Variants in SBF2 observed in about 807,000 individuals in gnomAD.
The protein encoded by SBF2 is SET binding factor 2, also known as myotubularin-related protein 13.
SBF2 carries 112 observed loss-of-function variants against 225.2 expected under a neutral mutation model. The observed-to-expected ratio is 0.50, with a 90% CI of 0.43 to 0.58. The LOEUF (loss-of-function observed/expected upper bound fraction) is 0.58, where lower values mean the gene tolerates loss of function less well. SBF2 is among the 20% of genes least tolerant of loss of function. The pLI is 0.00. For missense variants in SBF2, 1,996 were observed against 2,206.2 expected (o/e 0.90, Z 1.91); for synonymous variants, 763 against 773.3 (o/e 0.99, Z 0.22).
chr11:9,846,897 A>G, intron 23 of SBF2, 59 bp downstream of exon 23: 2 of 1,594,690 alleles, frequency 1.3e-6, no homozygotes, highest in South Asian at 1.1e-5. Context: ...AATGGCCATA[A>G]TATCATTTGA....
chr11:10,018,568 T>C (rs1046999641), intron 6 of SBF2, among the ~76,000 whole-genome samples: 1 of 152,164 alleles, frequency 6.6e-6, no homozygotes, highest in Non-Finnish European at 1.5e-5. Flanking sequence ...TCTTTATAGA[T>C]AATTCAATGC....
intron 6 of SBF2, among the ~76,000 whole-genome samples, chr11:10,013,078 A>T (rs1177749096): frequency 4.6e-5 from 7 of 152,190 alleles, no homozygotes; most frequent in Non-Finnish European, 1.0e-4. Flanking sequence ...AGACATGTGC[A>T]TAGTTTCCCA....
At chr11:9,866,956 G>A (rs1158651527) in intron 17 of SBF2, among the ~76,000 whole-genome samples, 1 of 152,002 alleles carries the variant, frequency 6.6e-6, no homozygotes, top group African/African-American at 2.4e-5. Context: ...AAAAATGGTC[G>A]ACAGGCATAT....
At chr11:9,967,715 A>C (rs916070410) in intron 14 of SBF2, among the ~76,000 whole-genome samples, 2 of 152,162 alleles carry the variant, frequency 1.3e-5, no homozygotes, top group Admixed American at 6.5e-5. Flanking sequence ...CGGGAGTTCG[A>C]GACCAGCCTG....
intron 1 of SBF2, among the ~76,000 whole-genome samples, chr11:10,273,581 G>A (rs1026213747): frequency 1.3e-5 from 2 of 152,178 alleles, no homozygotes; most frequent in Admixed American, 1.3e-4. Context: ...TCAAAGTTTT[G>A]TCAATGCTAG....
At chr11:9,896,358 G>A (rs1861254942) in intron 16 of SBF2, among the ~76,000 whole-genome samples, 1 of 151,946 alleles carries the variant, frequency 6.6e-6, no homozygotes, top group Non-Finnish European at 1.5e-5. Flanking sequence ...TTTTTTTTTG[G>A]AGGAAGTTTT....
chr11:9,876,107 C>T (rs191141517), intron 17 of SBF2, among the ~76,000 whole-genome samples: 1 of 152,292 alleles, frequency 6.6e-6, no homozygotes, highest in East Asian at 1.9e-4. Flanking sequence ...TCCTCCCTTT[C>T]TCAACTTCCT....
chr11:10,288,095 AAAG>A (rs1963918681), intron 1 of SBF2, among the ~76,000 whole-genome samples: 1 of 152,188 alleles, frequency 6.6e-6, no homozygotes, highest in African/African-American at 2.4e-5. Context: ...ACAGGGCCCC[AAAG>A]AAGGAGTCAC....
chr11:10,066,161 G>A (rs1191742109), intron 2 of SBF2, among the ~76,000 whole-genome samples: 1 of 151,660 alleles, frequency 6.6e-6, no homozygotes, highest in African/African-American at 2.4e-5. Flanking sequence ...AAAAATAACA[G>A]CAATTCTACC....
Position 9,780,481 on chromosome 11 carries a change from G to C in SBF2, c.5487C>G (p.Ala1829=). ...KTSKRVYNFC[A]QDGQSAQQWM... is the part of the protein sequence containing the mutation. The stretch of plus-strand genomic sequence containing the variant: ...ATTGCTGGGCACTCTGTCCATCCTG[G>C]GCGCAGAAGTTATACACACGTTTGC... Residue 1829 remains alanine, a synonymous_variant, in exon 40 of 40, where the codon GCC becomes GCG. Coordinates refer to ENST00000256190, the MANE Select transcript of SBF2 (RefSeq NM_030962.4). 6.2e-7 allele frequency: 1 copy of C among 1,614,130 alleles called. No homozygotes were observed. The highest frequency in any genetic ancestry group is 1.1e-5 in the South Asian group (1 of 91,060).
At chr11:10,094,794 C>T (rs993317922) in intron 2 of SBF2, among the ~76,000 whole-genome samples, 1 of 151,760 alleles carries the variant, frequency 6.6e-6, no homozygotes, top group Admixed American at 6.6e-5. Flanking sequence ...CATGAGCCAC[C>T]GTCCCTGGCC....
At chr11:9,956,099 G>A (rs1219061219) in intron 16 of SBF2, among the ~76,000 whole-genome samples, 4 of 151,716 alleles carry the variant, frequency 2.6e-5, no homozygotes, top group East Asian at 1.9e-4. Context: ...CTTTGTAACT[G>A]CAGTTCATTT....
chr11:10,003,486 G>A (rs1437550625), intron 6 of SBF2, among the ~76,000 whole-genome samples: 1 of 151,692 alleles, frequency 6.6e-6, no homozygotes, highest in Non-Finnish European at 1.5e-5. Flanking sequence ...TCCTGCCTCA[G>A]CCTCCTGAGT....
chr11:9,789,402 T>C, intron 34 of SBF2, 60 bp from the exon 35 acceptor site: 1 of 1,229,540 alleles, frequency 8.1e-7, no homozygotes, highest in Non-Finnish European at 1.2e-6. Flanking sequence ...AAGCTCACTG[T>C]CAGGCAAACC....
intron 33 of SBF2, among the ~76,000 whole-genome samples, chr11:9,793,191 T>C (rs1035726943): frequency 6.6e-6 from 1 of 152,082 alleles, no homozygotes; most frequent in Non-Finnish European, 1.5e-5. Flanking sequence ...ATCCGCATCA[T>C]TGTATTTAAT....
chr11:9,856,293 G>C (rs146612775), intron 19 of SBF2, among the ~76,000 whole-genome samples, 165 bp downstream of exon 19: 1 of 152,290 alleles, frequency 6.6e-6, no homozygotes, highest in African/African-American at 2.4e-5. Flanking sequence ...AGGATGAAGT[G>C]AATCTTTTAG....
chr11:9,820,212 T>C (rs1854673328), intron 28 of SBF2, among the ~76,000 whole-genome samples: 2 of 152,220 alleles, frequency 1.3e-5, no homozygotes, highest in Middle Eastern at 3.2e-3. Flanking sequence ...TATTAAGTTA[T>C]AAAATGCAAA....
At chr11:10,142,241 T>C (rs1173542589) in intron 2 of SBF2, among the ~76,000 whole-genome samples, 3 of 152,204 alleles carry the variant, frequency 2.0e-5, no homozygotes, top group Non-Finnish European at 2.9e-5. Flanking sequence ...CTTGCATCTG[T>C]CATTTAGAGG....
At chr11:10,061,899 A>G (rs1950459669) in intron 2 of SBF2, among the ~76,000 whole-genome samples, 1 of 152,218 alleles carries the variant, frequency 6.6e-6, no homozygotes, top group Non-Finnish European at 1.5e-5. Context: ...AATCTCAGCA[A>G]AAAGAGCAAA....
Sources: allele counts gnomAD v4.1 joint callset (sites outside exome capture counted in the v4.1 genomes callset), GRCh38; gene constraint gnomAD v4.1.1; transcripts MANE v1.5; gene names NCBI Gene and HGNC (gene_info 2026-07-23, HGNC 2026-07-21).